The following MEGF10 variants were observed in gnomAD, a reference collection of about 807,000 sequenced individuals.
The protein encoded by MEGF10 is multiple EGF like domains 10, also known as multiple epidermal growth factor-like domains protein 10.
Under a neutral mutation model 147.5 loss-of-function variants are expected in MEGF10, and 86 were observed. The observed-to-expected ratio is 0.58, with a 90% confidence interval of 0.49 to 0.70. MEGF10 has a LOEUF of 0.70. Among genes scored for constraint, MEGF10 ranks in the 30% least tolerant of loss-of-function variants. The pLI, the probability that MEGF10 is intolerant of heterozygous loss-of-function variation, is 0.00. For missense variants in MEGF10, 1,329 were observed against 1,487.3 expected (o/e 0.89, Z 1.75); for synonymous variants, 478 against 525.5 (o/e 0.91, Z 1.24).
At chr5:127,366,821 C>T (rs1164554344) in intron 4 of MEGF10, among the ~76,000 whole-genome samples, 1 of 152,184 alleles carries the variant, frequency 6.6e-6, no homozygotes, top group Non-Finnish European at 1.5e-5. Context: ...AATCTCAAAG[C>T]ATTCTGAAGC....
chr5:127,438,038 G>T (rs1765621435), intron 16 of MEGF10, among the ~76,000 whole-genome samples: 1 of 152,128 alleles, frequency 6.6e-6, no homozygotes, highest in South Asian at 2.1e-4. Context: ...TGGTTGGTTG[G>T]TTTGCCTGCC....
At chr5:127,253,629 A>T in the MEGF10 span, among the ~76,000 whole-genome samples, 1 of 152,050 alleles carries the variant, frequency 6.6e-6, no homozygotes, top group African/African-American at 2.4e-5. Flanking sequence ...AAGTTACAAG[A>T]AAAATATAGA....
chr5:127,251,622 T>G, the MEGF10 span, among the ~76,000 whole-genome samples: 129 of 152,148 alleles, frequency 8.5e-4, 1 homozygote, highest in East Asian at 0.022. Context: ...TAGGGGTGAT[T>G]GGTTATCCAT....
intron 7 of MEGF10, among the ~76,000 whole-genome samples, chr5:127,399,641 T>C (rs1034028584): frequency 1.9e-4 from 29 of 152,224 alleles, no homozygotes; most frequent in African/African-American, 7.0e-4. Flanking sequence ...AAAACCCTTC[T>C]GTTCTCATTC....
At chr5:127,243,513 TAC>T in the MEGF10 span, among the ~76,000 whole-genome samples, 1 of 152,192 alleles carries the variant, frequency 6.6e-6, no homozygotes, top group Non-Finnish European at 1.5e-5. Context: ...TTATTTTTCT[TAC>T]GTGAGAAACA....
intron 4 of MEGF10, among the ~76,000 whole-genome samples, chr5:127,354,204 G>C (rs973402272): frequency 3.9e-5 from 6 of 152,146 alleles, no homozygotes; most frequent in African/African-American, 1.2e-4. Context: ...TGAATGTCAT[G>C]CTTCAGAAAA....
the MEGF10 span, among the ~76,000 whole-genome samples, chr5:127,237,772 G>A: frequency 1.3e-5 from 2 of 152,120 alleles, no homozygotes; most frequent in African/African-American, 4.8e-5. Context: ...GGCCAGGGAT[G>A]TGGGACTTTC....
At chr5:127,326,341 A>G (rs143422681) in intron 1 of MEGF10, among the ~76,000 whole-genome samples, 383 of 152,324 alleles carry the variant, frequency 2.5e-3, no homozygotes, top group African/African-American at 8.8e-3. Flanking sequence ...AATGACATGA[A>G]GCCCTCAAAA....
upstream of MEGF10, among the ~76,000 whole-genome samples, chr5:127,290,250 C>A (rs901708329): frequency 6.6e-6 from 1 of 152,114 alleles, no homozygotes; most frequent in East Asian, 1.9e-4. Context: ...TTCACCTCCC[C>A]GCCCCACCTT....
chr5:127,304,474 G>C lies in MEGF10; in HGVS notation c.-19+13418G>C, dbSNP rs563470959. ...AATAGCCAACTAGAACAACTATCAG[G>C]ACGTATGTTCTTTTTTTGTTTACTA... On this transcript the variant is annotated intron_variant, in intron 1 of 24. Transcript: ENST00000503335. 3.9e-5 allele frequency among the ~76,000 whole-genome samples: 6 copies of C among 152,110 alleles called. No individual in the cohort carries two copies. In the South Asian group the frequency reaches 1.0e-3, roughly 26 times the overall value.
At chr5:127,443,215 C>A (rs1765821537) in intron 19 of MEGF10, 89 bp downstream of exon 19, 1 of 1,342,054 alleles carries the variant, frequency 7.5e-7, no homozygotes, top group East Asian at 2.8e-5. Context: ...TTATGTTATC[C>A]AGCAGAATCT....
chr5:127,421,527 C>T (rs565314307), intron 12 of MEGF10, among the ~76,000 whole-genome samples: 1 of 152,188 alleles, frequency 6.6e-6, no homozygotes, highest in African/African-American at 2.4e-5. Flanking sequence ...GCTGAACTTT[C>T]CATTCTTTCT....
At chr5:127,302,558 G>A (rs1759820602) in intron 1 of MEGF10, among the ~76,000 whole-genome samples, 1 of 152,184 alleles carries the variant, frequency 6.6e-6, no homozygotes, top group South Asian at 2.1e-4. Context: ...TAGTGATGAT[G>A]GTTGCACAAC....
At chr5:127,311,590 A>T (rs1402039722) in intron 1 of MEGF10, among the ~76,000 whole-genome samples, 3 of 152,170 alleles carry the variant, frequency 2.0e-5, no homozygotes, top group Admixed American at 2.0e-4. Flanking sequence ...TGTGCCAATA[A>T]TTGTCCCTGT....
chr5:127,304,558 G>A (rs1354974625), intron 1 of MEGF10, among the ~76,000 whole-genome samples: 14 of 152,142 alleles, frequency 9.2e-5, no homozygotes, highest in African/African-American at 3.1e-4. Flanking sequence ...CAGTGGCATC[G>A]TCTCAGCTCA....
At chr5:127,261,047 T>A in the MEGF10 span, among the ~76,000 whole-genome samples, 2 of 152,340 alleles carry the variant, frequency 1.3e-5, no homozygotes, top group Admixed American at 1.3e-4. Context: ...GATGTGCCTC[T>A]GCCTTCCTTC....
At chr5:127,380,472 C>T (rs1359613202) in intron 5 of MEGF10, among the ~76,000 whole-genome samples, 3 of 151,878 alleles carry the variant, frequency 2.0e-5, no homozygotes, top group Admixed American at 6.6e-5. Flanking sequence ...GGCTTCAGGA[C>T]GCACCTTGGC....
chr5:127,327,714 C>CT (rs11285616), intron 1 of MEGF10, among the ~76,000 whole-genome samples: 71 of 122,896 alleles, frequency 5.8e-4, no homozygotes, highest in South Asian at 1.0e-3. Context: ...CTTTTCTTTT[C>CT]TTTTTTTTTT....
At chr5:127,452,369 C>G (rs748020932) in intron 22 of MEGF10, among the ~76,000 whole-genome samples, 23 of 152,340 alleles carry the variant, frequency 1.5e-4, no homozygotes, top group Non-Finnish European at 2.8e-4. Flanking sequence ...GACAGAGCTC[C>G]TTGATAAAGC....
Sources: gnomAD v4.1 joint callset for allele counts (sites outside exome capture counted in the v4.1 genomes callset) on GRCh38, gnomAD v4.1.1 for gene constraint, MANE v1.5 for transcripts, NCBI Gene and HGNC (gene_info 2026-07-23, HGNC 2026-07-21) for gene names.